COL27A1: variants seen among roughly 807,000 people sequenced by gnomAD.
COL27A1 encodes the protein collagen alpha-1(XXVII) chain.
In COL27A1, 106 loss-of-function variants were observed where a neutral mutation model predicts 251.3. That is an observed-to-expected ratio of 0.42 (90% CI 0.36 to 0.50). The LOEUF (loss-of-function observed/expected upper bound fraction) is 0.50, where lower values mean the gene tolerates loss of function less well. Among genes scored for constraint, COL27A1 ranks in the 20% least tolerant of loss-of-function variants. COL27A1 has a pLI of 0.00. For synonymous variants in COL27A1, 1,000 were observed against 986.3 expected, an observed-to-expected ratio of 1.01 and a Z score of -0.26; for missense variants, 2,325 against 2,522.8, an observed-to-expected ratio of 0.92 and a Z score of 1.68.
At position 114,222,219 on chromosome 9, in the gene COL27A1, G is replaced by T. The variant is rs1445392745; in HGVS notation, c.2422-4G>T. The T allele has an allele frequency of 1.2e-6, 2 of 1,613,618 alleles. No homozygotes were observed. The highest frequency in any genetic ancestry group is 4.5e-5 in the East Asian group (2 of 44,876). ...TAACCACCTTGGTCTCTCTCTATCT[G>T]CAGGGAGAACTGGGCCTGCCAGGCC... On this transcript the variant is annotated splice_polypyrimidine_tract_variant and splice_region_variant and intron_variant, in intron 13 of 60. Coordinates refer to ENST00000356083, the MANE Select transcript of COL27A1 (RefSeq NM_032888.4).
intron 40 of COL27A1, among the ~76,000 whole-genome samples, chr9:114,284,126 C>CT (rs1457233259): frequency 6.6e-6 from 1 of 152,212 alleles, no homozygotes; most frequent in Non-Finnish European, 1.5e-5. Flanking sequence ...TGTTACACAT[C>CT]TGGAGAAACC....
chr9:114,223,001 A>G (rs1288116133), intron 14 of COL27A1, among the ~76,000 whole-genome samples: 1 of 152,172 alleles, frequency 6.6e-6, no homozygotes, highest in East Asian at 1.9e-4. Flanking sequence ...GGACTGAGAG[A>G]GGCCTATACA....
chr9:114,235,681 T>C (rs1832337523), intron 17 of COL27A1, 29 bp downstream of exon 17: 1 of 1,504,090 alleles, frequency 6.6e-7, no homozygotes, highest in Non-Finnish European at 9.2e-7. Flanking sequence ...CCCCTCCCCC[T>C]GCCCCTGCCC....
intron 1 of COL27A1, among the ~76,000 whole-genome samples, chr9:114,162,322 G>A (rs999168912): frequency 3.9e-5 from 6 of 152,250 alleles, no homozygotes; most frequent in Admixed American, 1.3e-4. Context: ...TAGTACAGAT[G>A]GGGAGACTGA....
intron 49 of COL27A1, among the ~76,000 whole-genome samples, 174 bp from the exon 50 acceptor site, chr9:114,299,896 C>T (rs185966262): frequency 2.0e-3 from 309 of 152,316 alleles, no homozygotes; most frequent in Middle Eastern, 6.8e-3. Flanking sequence ...AGAGCCCAGG[C>T]GGACTGGCAT....
chr9:114,224,684 ACT>A (rs1831349731), intron 14 of COL27A1, among the ~76,000 whole-genome samples: 1 of 117,976 alleles, frequency 8.5e-6, no homozygotes. Context: ...ACAGGGTCTC[ACT>A]GTGTCTTCCA....
intron 35 of COL27A1, 79 bp from the exon 36 acceptor site, chr9:114,270,649 G>A (rs756077252): frequency 1.4e-4 from 159 of 1,145,118 alleles, no homozygotes; most frequent in Non-Finnish European, 1.9e-4. Flanking sequence ...CCTGCCCCAG[G>A]GAGGGGGAAG....
intron 14 of COL27A1, among the ~76,000 whole-genome samples, chr9:114,230,145 C>T (rs1831837408): frequency 6.6e-6 from 1 of 152,132 alleles, no homozygotes; most frequent in African/African-American, 2.4e-5. Context: ...TGAGTGAGTC[C>T]CAGAGGAGAG....
intron 27 of COL27A1, among the ~76,000 whole-genome samples, chr9:114,257,585 C>A (rs1359404539): frequency 6.6e-6 from 1 of 151,398 alleles, no homozygotes; most frequent in African/African-American, 2.4e-5. Context: ...GTCGTCTGTT[C>A]ATCAAAACCA....
At position 114,290,101 on chromosome 9, in the gene COL27A1, G is replaced by C. The variant is rs1288323105; in HGVS notation, c.4250G>C (p.Arg1417Thr). Residue 1417 changes from arginine (R) to threonine (T), a missense_variant, in exon 46 of 61, where the codon AGG becomes ACG. This residue lies in a region of COL27A1 where 662 missense variants were observed against 795.3 expected (regional missense o/e 0.83). Transcript: ENST00000356083. The surrounding 1 kb of genome is among the most constrained non-coding windows in gnomAD (Gnocchi z 4.6). Reference protein sequence around the residue: ...KQGKAGAPGRRGVQGLQGLPG... With the variant: ...KQGKAGAPGRTGVQGLQGLPG... ...GGCAAGGCAGGGGCCCCAGGCCGGA[G>C]GGGGGTCCAGGTGAGTGACTACAGC... 3 of 1,611,464 alleles carry C rather than the reference G, an allele frequency of 1.9e-6. No individual in the cohort carries two copies. The highest frequency in any genetic ancestry group is 2.5e-6 in the Non-Finnish European group (3 of 1,179,850).
chr9:114,246,455 A>C (rs970455623), intron 24 of COL27A1, among the ~76,000 whole-genome samples: 2 of 152,206 alleles, frequency 1.3e-5, no homozygotes, highest in African/African-American at 2.4e-5. Flanking sequence ...CCTTCAATTA[A>C]AGTCCAGAGA....
intron 16 of COL27A1, among the ~76,000 whole-genome samples, chr9:114,235,087 A>AT (rs1832274914): frequency 1.3e-5 from 2 of 151,118 alleles, no homozygotes; most frequent in Admixed American, 6.6e-5. Flanking sequence ...CTCAAAAAAA[A>AT]AAAAAAAAAA....
chr9:114,287,881 G>C (rs780239681), intron 41 of COL27A1, among the ~76,000 whole-genome samples: 1 of 152,228 alleles, frequency 6.6e-6, no homozygotes, highest in Non-Finnish European at 1.5e-5. Flanking sequence ...AGCCTCATCT[G>C]TGAATTGGGA....
At chr9:114,223,348 G>A (rs1564489038) in intron 14 of COL27A1, among the ~76,000 whole-genome samples, 1 of 152,208 alleles carries the variant, frequency 6.6e-6, no homozygotes, top group East Asian at 1.9e-4. Context: ...CTGCTCAGAG[G>A]GAGGCTGGAG....
At chr9:114,306,256 G>T in intron 57 of COL27A1, 1 of 380,708 alleles carries the variant, frequency 2.6e-6, no homozygotes, top group Non-Finnish European at 4.8e-6. Flanking sequence ...CATTCACGGG[G>T]CTCTGCCTGT....
chr9:114,181,630 A>C (rs565919187), intron 4 of COL27A1, among the ~76,000 whole-genome samples: 1 of 151,910 alleles, frequency 6.6e-6, no homozygotes, highest in Non-Finnish European at 1.5e-5. Context: ...CTAGACAAAA[A>C]CCCTCAAGTA....
rs1848411727 is a variant in COL27A1 at position 114,160,344 on chromosome 9, A to G, written c.63-2371A>G. On this transcript the variant is annotated intron_variant, in intron 1 of 60. Transcript: ENST00000356083. ...TAATTTTTTTGTATTTTTGGTAGAGATGGGGTTTCGCTGTGTTAGCCAGGA... is the reference window on the plus strand; with the variant it reads ...TAATTTTTTTGTATTTTTGGTAGAGGTGGGGTTTCGCTGTGTTAGCCAGGA... Among the ~76,000 whole-genome samples, 6 of 151,862 alleles carry G rather than the reference A, an allele frequency of 4.0e-5. No homozygotes were observed. The South Asian group carries it at 1.0e-3, about 26-fold the overall frequency.
intron 37 of COL27A1, among the ~76,000 whole-genome samples, chr9:114,276,783 G>C (rs1835536689): frequency 6.6e-6 from 1 of 152,246 alleles, no homozygotes; most frequent in Non-Finnish European, 1.5e-5. Context: ...CCCTGAGATT[G>C]AAGAGGTAAA....
chr9:114,178,379 G>A lies in COL27A1; in HGVS notation c.1962+35G>A, dbSNP rs755822672. ...CTCACACTGTCCTTTGGAACTCTTG[G>A]TGGCTCTTTGGCCTGCGTCTCACTG... On this transcript the variant is annotated intron_variant, in intron 4 of 60. Transcript: ENST00000356083. The A allele has an allele frequency of 4.4e-6, 7 of 1,602,972 alleles. No individual in the cohort carries two copies. The South Asian group carries it at 7.7e-5, about 18-fold the overall frequency.
Sources: allele counts gnomAD v4.1 joint callset (sites outside exome capture counted in the v4.1 genomes callset), GRCh38; gene constraint gnomAD v4.1.1; regional missense constraint gnomAD v4.1.1; non-coding constraint Gnocchi (gnomAD v3.1); transcripts MANE v1.5; gene names NCBI Gene and HGNC (gene_info 2026-07-23, HGNC 2026-07-21).